Variants in LRBA observed in about 807,000 individuals in gnomAD.
LRBA encodes LPS responsive beige-like anchor protein, also known as lipopolysaccharide-responsive and beige-like anchor protein.
A neutral mutation model predicts 330.0 loss-of-function variants in LRBA; 176 were observed. The observed-to-expected ratio is 0.53, with a 90% CI of 0.47 to 0.60. LRBA has a LOEUF of 0.60. LRBA is among the 20% of genes least tolerant of loss of function. The probability of loss-of-function intolerance (pLI) is 0.00; values close to 1 mark genes in which losing one functional copy is unlikely to be tolerated. For missense variants in LRBA, 3,259 were observed against 3,444.8 expected (o/e 0.95, Z 1.35); for synonymous variants, 1,230 against 1,193.0 (o/e 1.03, Z -0.64).
intron 46 of LRBA, among the ~76,000 whole-genome samples, chr4:150,433,683 A>G (rs1428821136): frequency 6.6e-6 from 1 of 152,140 alleles, no homozygotes; most frequent in East Asian, 1.9e-4. Flanking sequence ...CATTTCTCTT[A>G]TTATTTCTCA....
At chr4:150,701,597 C>T (rs964228158) in intron 36 of LRBA, among the ~76,000 whole-genome samples, 5 of 152,162 alleles carry the variant, frequency 3.3e-5, no homozygotes, top group African/African-American at 1.2e-4. Flanking sequence ...TTTACCAAAA[C>T]ATCATTATGT....
At chr4:150,623,761 A>G (rs1776549545) in intron 37 of LRBA, among the ~76,000 whole-genome samples, 2 of 152,140 alleles carry the variant, frequency 1.3e-5, no homozygotes, top group Admixed American at 6.5e-5. Flanking sequence ...TGAATCGTGA[A>G]CTGAGAAGAA....
In LRBA at chr4:150,916,524, G is replaced by A. The variant is rs1436080188; in HGVS notation, c.771C>T (p.Phe257=). Residue 257 remains phenylalanine (F), a synonymous_variant, in exon 7 of 57, where the codon TTC becomes TTT. Coordinates refer to ENST00000651943, the MANE Select transcript of LRBA (RefSeq NM_001364905.1). Reference sequence around the variant, plus strand: ...AATAGCCAAGACCTTTGCTGGTTCTGAAACTATAAAGAATAGTTTTCATTT... The same window carrying A: ...AATAGCCAAGACCTTTGCTGGTTCTAAAACTATAAAGAATAGTTTTCATTT... The part of the protein sequence containing the change: ...VDKDKPYLYC[F]RTSKGLGYSA... 6.2e-7 allele frequency: 1 copy of A among 1,612,628 alleles called. No individual in the cohort carries two copies. The highest frequency in any genetic ancestry group is 1.7e-4 in the Middle Eastern group (1 of 6,048).
intron 56 of LRBA, 97 bp from the exon 57 acceptor site, chr4:150,265,909 A>C: frequency 1.3e-6 from 1 of 753,404 alleles, no homozygotes; most frequent in Non-Finnish European, 2.4e-6. Flanking sequence ...TAAATATAGA[A>C]GCTGGCAGTG....
chr4:150,604,215 C>A (rs991481127), intron 37 of LRBA, among the ~76,000 whole-genome samples: 1 of 151,812 alleles, frequency 6.6e-6, no homozygotes, highest in African/African-American at 2.4e-5. Flanking sequence ...TCAAGACCAG[C>A]CTGGGCAACA....
chr4:150,872,893 A>T (rs572567443), intron 17 of LRBA, 138 bp from the exon 18 acceptor site: 40 of 449,294 alleles, frequency 8.9e-5, no homozygotes, highest in Non-Finnish European at 1.3e-4. Context: ...TTCTGTATAT[A>T]AAAAATCTGC....
At chr4:150,414,731 T>C (rs886969864) in intron 47 of LRBA, among the ~76,000 whole-genome samples, 1 of 152,242 alleles carries the variant, frequency 6.6e-6, no homozygotes, top group South Asian at 2.1e-4. Flanking sequence ...CCTCAGGTAA[T>C]CCACCCACCT....
At chr4:150,434,004 A>G (rs1035365579) in intron 46 of LRBA, among the ~76,000 whole-genome samples, 4 of 152,180 alleles carry the variant, frequency 2.6e-5, no homozygotes, top group Non-Finnish European at 5.9e-5. Flanking sequence ...TGTAGACTTT[A>G]AAGTATCATA....
chr4:150,946,904 G>T (rs1210034780), intron 2 of LRBA, among the ~76,000 whole-genome samples: 3 of 149,396 alleles, frequency 2.0e-5, no homozygotes, highest in Non-Finnish European at 3.0e-5. Flanking sequence ...ATCACTACAG[G>T]CCTTAGAGGC....
At chr4:150,281,160 T>A (rs779000248) in intron 55 of LRBA, among the ~76,000 whole-genome samples, 59 of 152,200 alleles carry the variant, frequency 3.9e-4, no homozygotes, top group Non-Finnish European at 7.3e-5. Context: ...TTTATTAGCG[T>A]AGCTGACAAT....
intron 33 of LRBA, among the ~76,000 whole-genome samples, chr4:150,805,294 GAAA>G: frequency 1.1e-5 from 1 of 93,690 alleles, no homozygotes; most frequent in African/African-American, 5.2e-5. Context: ...AGAAGGAAAG[GAAA>G]GGAAAGGAAA....
At chr4:150,807,940 G>A (rs1055230957) in intron 32 of LRBA, among the ~76,000 whole-genome samples, 7 of 152,060 alleles carry the variant, frequency 4.6e-5, no homozygotes, top group Non-Finnish European at 5.9e-5. Context: ...GTGAGCCACC[G>A]CACCTGGCCT....
At chr4:150,928,793 T>A (rs1186251267) in intron 3 of LRBA, 41 bp downstream of exon 3, 1 of 1,499,264 alleles carries the variant, frequency 6.7e-7, no homozygotes, top group Non-Finnish European at 9.2e-7. Context: ...AAAATCAAAC[T>A]TTATTTCTTT....
At chr4:150,431,578 T>A (rs770908411) in intron 46 of LRBA, among the ~76,000 whole-genome samples, 2 of 152,188 alleles carry the variant, frequency 1.3e-5, no homozygotes, top group Non-Finnish European at 2.9e-5. Context: ...ATGTAAAATA[T>A]CTAATAATTT....
At chr4:150,367,143 T>A (rs1043671647) in intron 47 of LRBA, among the ~76,000 whole-genome samples, 10 of 152,218 alleles carry the variant, frequency 6.6e-5, no homozygotes, top group Non-Finnish European at 1.2e-4. Flanking sequence ...CTAATTAAAA[T>A]TTTTTAAATT....
chr4:150,515,764 T>A (rs925751745), intron 40 of LRBA, among the ~76,000 whole-genome samples: 3 of 152,142 alleles, frequency 2.0e-5, no homozygotes, highest in African/African-American at 7.2e-5. Context: ...GTTCTCCATT[T>A]TAGCATTTGA....
chr4:150,400,932 C>T (rs1745376779), intron 47 of LRBA, among the ~76,000 whole-genome samples: 1 of 152,176 alleles, frequency 6.6e-6, no homozygotes, highest in African/African-American at 2.4e-5. Flanking sequence ...CCCTCCAACA[C>T]AACTCCATAT....
intron 40 of LRBA, among the ~76,000 whole-genome samples, chr4:150,527,106 T>C (rs1240537262): frequency 1.3e-5 from 2 of 152,128 alleles, no homozygotes; most frequent in African/African-American, 4.8e-5. Context: ...ATCATTTAAT[T>C]TGTTTTTGTA....
intron 44 of LRBA, among the ~76,000 whole-genome samples, chr4:150,463,188 T>G (rs544090139): frequency 1.3e-5 from 2 of 152,110 alleles, no homozygotes; most frequent in East Asian, 3.9e-4. Context: ...CTCATGAACC[T>G]GAATGACTTT....
Sources: allele counts gnomAD v4.1 joint callset (sites outside exome capture counted in the v4.1 genomes callset), GRCh38; gene constraint gnomAD v4.1.1; transcripts MANE v1.5; gene names NCBI Gene and HGNC (gene_info 2026-07-23, HGNC 2026-07-21).